SLC24A4: variants seen among roughly 807,000 people sequenced by gnomAD.
SLC24A4 encodes the protein solute carrier family 24 member 4.
SLC24A4 carries 53 observed loss-of-function variants against 79.0 expected under a neutral mutation model. The ratio of observed to expected loss-of-function variants is 0.67; its 90% confidence interval spans 0.54 to 0.84. The LOEUF is 0.84. Ranked by LOEUF, SLC24A4 falls within the 40% of genes least tolerant of loss-of-function variation. SLC24A4 has a pLI of 0.00. For synonymous variants in SLC24A4, 323 were observed against 323.8 expected, an observed-to-expected ratio of 1.00 and a Z score of 0.03; for missense variants, 731 against 822.0, an observed-to-expected ratio of 0.89 and a Z score of 1.35.
At chr14:92,489,478 G>C (rs894402662) in intron 14 of SLC24A4, among the ~76,000 whole-genome samples, 5 of 152,102 alleles carry the variant, frequency 3.3e-5, no homozygotes, top group Admixed American at 1.3e-4. Context: ...AGGAACCCCT[G>C]TTCAGAGCCT....
intron 12 of SLC24A4, among the ~76,000 whole-genome samples, chr14:92,459,309 G>A (rs1031157490): frequency 6.6e-5 from 10 of 152,216 alleles, no homozygotes; most frequent in African/African-American, 2.4e-4. Context: ...AGAAGTGGCT[G>A]TGCGGCCTCT....
Position 92,474,863 on chromosome 14 carries a change from A to ATATATATATATATATATATATTT in SLC24A4, c.1256-7816_1256-7815insATATATATATATATATATATTTT, listed in dbSNP as rs36185636. Among the ~76,000 whole-genome samples the ATATATATATATATATATATATTT allele has an allele frequency of 3.9e-4, 22 of 57,114 alleles. 2 individuals carry two copies. Among genetic ancestry groups the ATATATATATATATATATATATTT allele is most frequent in the Middle Eastern group, 0.015 (2 of 132 alleles). The allele number at this position is 57,114 out of a possible 152,430, so 37.5% of individuals were successfully genotyped here. A position where few individuals can be genotyped will look rare whatever the true frequency, so the allele number is the denominator to read the frequency against. On this transcript the variant is annotated intron_variant, in intron 12 of 16. Transcript: ENST00000532405. ...TGTGTGTATATATATATATATATAT[A>ATATATATATATATATATATATTT]TTTTTTTTTTTTTTAGTAGACACAG...
intron 3 of SLC24A4, 51 bp from the exon 4 acceptor site, chr14:92,439,284 G>C: frequency 6.6e-7 from 1 of 1,518,736 alleles, no homozygotes; most frequent in Non-Finnish European, 9.1e-7. Flanking sequence ...GCCCTTTGCA[G>C]CTGCAGCAGG....
At chr14:92,385,931 C>T (rs1000356347) in intron 2 of SLC24A4, among the ~76,000 whole-genome samples, 5 of 152,232 alleles carry the variant, frequency 3.3e-5, no homozygotes, top group East Asian at 3.9e-4. Flanking sequence ...TCTGCCTCTG[C>T]GGCAGGCCAG....
intron 2 of SLC24A4, among the ~76,000 whole-genome samples, chr14:92,386,676 G>A: frequency 6.6e-6 from 1 of 152,208 alleles, no homozygotes; most frequent in East Asian, 1.9e-4. Context: ...AGAGAAGCAT[G>A]TAGTTCACGA....
At chr14:92,474,322 G>A (rs10139466) in intron 12 of SLC24A4, among the ~76,000 whole-genome samples, 2,919 of 152,220 alleles carry the variant, frequency 0.019, 92 homozygotes, top group African/African-American at 0.066. Flanking sequence ...AGTCAGGGGC[G>A]GGGCTGGGAG....
At chr14:92,442,311 T>C (rs1485501731) in intron 5 of SLC24A4, 138 bp downstream of exon 5, 3 of 652,600 alleles carry the variant, frequency 4.6e-6, no homozygotes, top group Admixed American at 5.5e-5. Context: ...GTAAGTAGAC[T>C]GGTGGTTTCT....
chr14:92,457,074 G>C (rs1231421777), intron 12 of SLC24A4, among the ~76,000 whole-genome samples: 2 of 152,220 alleles, frequency 1.3e-5, no homozygotes, highest in African/African-American at 2.4e-5. Flanking sequence ...GTCATACCTT[G>C]TGTGTTTGAA....
intron 2 of SLC24A4, among the ~76,000 whole-genome samples, chr14:92,350,011 G>T (rs1346966538): frequency 1.3e-5 from 2 of 152,218 alleles, no homozygotes; most frequent in African/African-American, 4.8e-5. Flanking sequence ...AATCATTTGG[G>T]GCTGACCATG....
At chr14:92,454,226 T>C (rs577909019) in intron 11 of SLC24A4, among the ~76,000 whole-genome samples, 157 bp downstream of exon 11, 13 of 152,330 alleles carry the variant, frequency 8.5e-5, no homozygotes, top group African/African-American at 2.9e-4. Flanking sequence ...GGCAGCAAAT[T>C]ATCCTTTGAA....
In SLC24A4 at chr14:92,362,999, C is replaced by A. The variant is rs546211963; in HGVS notation, c.241+37021C>A. 6.6e-4 allele frequency among the ~76,000 whole-genome samples: 101 copies of A among 152,276 alleles called. No homozygotes were observed. The Middle Eastern group carries it at 0.014, about 21-fold the overall frequency. On this transcript the variant is annotated intron_variant, in intron 2 of 16. Transcript: ENST00000532405. ...CTGCCCGACTTCTCTCAGCTTGCCTCCTCCCTGCTTGTGCCAAGCTCTAGT... is the reference window on the plus strand; with the variant it reads ...CTGCCCGACTTCTCTCAGCTTGCCTACTCCCTGCTTGTGCCAAGCTCTAGT...
chr14:92,447,723 C>T (rs1892882856), intron 9 of SLC24A4, among the ~76,000 whole-genome samples: 1 of 152,226 alleles, frequency 6.6e-6, no homozygotes, highest in Admixed American at 6.5e-5. Flanking sequence ...CTGCTCTGGG[C>T]AGCTTCTCCA....
At chr14:92,469,807 A>G (rs935757883) in intron 12 of SLC24A4, among the ~76,000 whole-genome samples, 14 of 152,334 alleles carry the variant, frequency 9.2e-5, no homozygotes, top group African/African-American at 2.9e-4. Context: ...TGAAAGCCAG[A>G]CACAAAAGCC....
intron 12 of SLC24A4, among the ~76,000 whole-genome samples, chr14:92,478,741 C>G (rs956846796): frequency 6.6e-6 from 1 of 151,726 alleles, no homozygotes; most frequent in Non-Finnish European, 1.5e-5. Context: ...TTCTGCTCAG[C>G]TACCTGGGAT....
chr14:92,474,977 C>T (rs200654373), intron 12 of SLC24A4, among the ~76,000 whole-genome samples: 7 of 150,254 alleles, frequency 4.7e-5, no homozygotes, highest in African/African-American at 7.3e-5. Flanking sequence ...GGATTACAGG[C>T]GTGAGCCACC....
At chr14:92,468,909 TG>T (rs1381196065) in intron 12 of SLC24A4, among the ~76,000 whole-genome samples, 1 of 96,340 alleles carries the variant, frequency 1.0e-5, no homozygotes, top group East Asian at 2.6e-4. Context: ...TGTGTGTGTG[TG>T]TGTGTGTGTG....
chr14:92,330,441 C>G (rs1566689167), intron 2 of SLC24A4, among the ~76,000 whole-genome samples: 1 of 152,176 alleles, frequency 6.6e-6, no homozygotes, highest in Non-Finnish European at 1.5e-5. Context: ...ACATGGGCCT[C>G]TAGGCCTTAG....
At chr14:92,418,480 A>G (rs1891102815) in intron 2 of SLC24A4, among the ~76,000 whole-genome samples, 1 of 152,178 alleles carries the variant, frequency 6.6e-6, no homozygotes. Context: ...CATGTCCTGT[A>G]TCTATCCTAT....
At chr14:92,468,124 T>A (rs936138779) in intron 12 of SLC24A4, among the ~76,000 whole-genome samples, 2 of 152,162 alleles carry the variant, frequency 1.3e-5, no homozygotes, top group African/African-American at 4.8e-5. Flanking sequence ...AACACCTTAG[T>A]CATTAACAAT....
Sources: allele counts gnomAD v4.1 joint callset (sites outside exome capture counted in the v4.1 genomes callset), GRCh38; gene constraint gnomAD v4.1.1; transcripts MANE v1.5; gene names NCBI Gene and HGNC (gene_info 2026-07-23, HGNC 2026-07-21).